The following FRMPD4 variants were observed in gnomAD, a reference collection of about 807,000 sequenced individuals.
FRMPD4 encodes FERM and PDZ domain-containing protein 4.
A neutral mutation model predicts 94.1 loss-of-function variants in FRMPD4; 22 were observed. That is an observed-to-expected ratio of 0.23 (90% confidence interval 0.17 to 0.33). FRMPD4 has a LOEUF of 0.33. Among genes scored for constraint, FRMPD4 ranks in the 10% least tolerant of loss-of-function variants. FRMPD4 has a pLI of 1.00. For missense variants in FRMPD4, 1,111 were observed against 1,339.9 expected, an observed-to-expected ratio of 0.83 and a Z score of 2.67; for synonymous variants, 631 against 548.6, an observed-to-expected ratio of 1.15 and a Z score of -2.10.
intron 4 of FRMPD4, among the ~76,000 whole-genome samples, chrX:12,615,960 G>T (rs1199732551): frequency 9.0e-6 from 1 of 111,067 alleles, no homozygotes. Context: ...GTTCTGGAGG[G>T]TCAAGCACTC....
At chrX:12,208,048 A>C (rs2056712813) in intron 1 of FRMPD4, among the ~76,000 whole-genome samples, 1 of 111,624 alleles carries the variant, frequency 9.0e-6, no homozygotes, top group African/African-American at 3.3e-5. Flanking sequence ...TCCTTGAAAT[A>C]ATGGCAAAAC....
intron 1 of FRMPD4, among the ~76,000 whole-genome samples, chrX:12,180,478 A>G (rs1446214444): frequency 8.9e-6 from 1 of 112,032 alleles, no homozygotes; most frequent in African/African-American, 3.2e-5. Context: ...ATCAATTTAA[A>G]CAAATTTTAG....
chrX:12,694,190 T>C, intron 8 of FRMPD4, 145 bp from the exon 9 acceptor site: 1 of 447,253 alleles, frequency 2.2e-6, no homozygotes. Context: ...ATGTGTAGTT[T>C]TCAGGGAATG....
At chrX:12,426,997 T>A (rs2056953311) in intron 1 of FRMPD4, among the ~76,000 whole-genome samples, 1 of 111,334 alleles carries the variant, frequency 9.0e-6, no homozygotes, top group South Asian at 3.9e-4. Flanking sequence ...ATAGGAGTCC[T>A]TACACTGTAG....
intron 1 of FRMPD4, among the ~76,000 whole-genome samples, chrX:12,238,865 A>C (rs1481529821): frequency 8.9e-6 from 1 of 112,180 alleles, no homozygotes; most frequent in Admixed American, 9.5e-5. Flanking sequence ...TGCAGTTACA[A>C]AATCTATAAA....
Position 12,198,265 on chromosome X carries a change from C to T in FRMPD4, c.41+59253C>T, listed in dbSNP as rs145103450. Among the ~76,000 whole-genome samples the T allele has an allele frequency of 3.8e-3, 422 of 111,859 alleles. 4 individuals are homozygous for T. Among genetic ancestry groups the T allele is most frequent in the African/African-American group, 0.013 (401 of 30,809 alleles). On this transcript the variant is annotated intron_variant, in intron 1 of 16. Coordinates refer to ENST00000675598, the MANE Select transcript of FRMPD4 (RefSeq NM_001368397.1). ...ACTGTTTTTAATTCAGGCAGAGAGA[C>T]ATAAGTCTGGTCTTTATTCATACTT...
intron 1 of FRMPD4, among the ~76,000 whole-genome samples, chrX:12,139,833 AG>A (rs2055665358): frequency 8.9e-6 from 1 of 111,775 alleles, no homozygotes; most frequent in Non-Finnish European, 1.9e-5. Context: ...AGAGCCCAAT[AG>A]GAGTGGTCTT....
In FRMPD4 at chrX:12,701,795, T is replaced by C. The variant is rs2060193569; in HGVS notation, c.934-79T>C. The C allele has an allele frequency of 3.9e-6, 4 of 1,038,214 alleles. No individual in the cohort carries two copies. The East Asian group carries it at 9.2e-5, about 24-fold the overall frequency. The allele number at this position is 1,038,214 out of a possible 1,213,427, so 85.6% of individuals were successfully genotyped here. On this transcript the variant is annotated intron_variant, in intron 9 of 16. Transcript: ENST00000675598. ...AGTGAAGGTTGAATCACTCGGGAAA[T>C]GTATGTCACCTGTTCTGTAAGTCCA...
At chrX:12,691,245 G>GT (rs1316735997) in intron 8 of FRMPD4, among the ~76,000 whole-genome samples, 1 of 110,657 alleles carries the variant, frequency 9.0e-6, no homozygotes, top group African/African-American at 3.3e-5. Flanking sequence ...TTTCCATCAA[G>GT]TTTTTTGGGG....
chrX:12,128,173 T>C (rs1354904554), intron 3 of FRMPD4, among the ~76,000 whole-genome samples: 5 of 113,320 alleles, frequency 4.4e-5, no homozygotes, highest in Non-Finnish European at 7.5e-5. Flanking sequence ...CACACTGCCG[T>C]AGCAGTGGTT....
At chrX:12,596,434 A>G (rs1408445634) in intron 2 of FRMPD4, among the ~76,000 whole-genome samples, 1 of 111,466 alleles carries the variant, frequency 9.0e-6, no homozygotes, top group African/African-American at 3.3e-5. Flanking sequence ...AATATAGGTA[A>G]TGGGAAATTC....
chrX:12,097,565 A>T (rs1350012184), intron 3 of FRMPD4, among the ~76,000 whole-genome samples: 4 of 112,309 alleles, frequency 3.6e-5, no homozygotes, highest in African/African-American at 6.5e-5. Flanking sequence ...GTTATTCTCC[A>T]TCCTCATCCC....
intron 3 of FRMPD4, among the ~76,000 whole-genome samples, chrX:11,953,545 A>G (rs1271006640): frequency 9.0e-6 from 1 of 111,146 alleles, no homozygotes; most frequent in Non-Finnish European, 1.9e-5. Context: ...GACTATTTCG[A>G]TGAGGGGTGG....
chrX:12,126,592 G>A (rs2055502231), intron 3 of FRMPD4, among the ~76,000 whole-genome samples: 1 of 111,399 alleles, frequency 9.0e-6, no homozygotes, highest in Admixed American at 9.5e-5. Context: ...GTTCTGAGTA[G>A]GGGAGGGAGT....
intron 2 of FRMPD4, among the ~76,000 whole-genome samples, chrX:12,596,478 A>G (rs1480633399): frequency 9.0e-6 from 1 of 110,824 alleles, no homozygotes; most frequent in African/African-American, 3.3e-5. Flanking sequence ...TTCTACTCTC[A>G]GTGACTATTC....
At chrX:12,071,481 C>T (rs752763600) in intron 3 of FRMPD4, among the ~76,000 whole-genome samples, 8 of 111,792 alleles carry the variant, frequency 7.2e-5, no homozygotes, top group Non-Finnish European at 1.3e-4. Context: ...GTTCAACAAT[C>T]CTATGAGATA....
intron 3 of FRMPD4, among the ~76,000 whole-genome samples, chrX:12,049,554 G>A (rs1166305932): frequency 1.8e-5 from 2 of 111,214 alleles, no homozygotes; most frequent in East Asian, 2.8e-4. Context: ...CCTGTATGAC[G>A]GTGGTCCTAT....
intron 3 of FRMPD4, among the ~76,000 whole-genome samples, chrX:12,030,994 C>A (rs999627865): frequency 8.9e-6 from 1 of 112,058 alleles, no homozygotes; most frequent in East Asian, 2.8e-4. Flanking sequence ...GTAATGAACA[C>A]ATGTAACAAA....
At chrX:12,555,770 T>G (rs1453653616) in intron 2 of FRMPD4, among the ~76,000 whole-genome samples, 2 of 112,294 alleles carry the variant, frequency 1.8e-5, no homozygotes, top group Admixed American at 9.4e-5. Flanking sequence ...TAGAGTACTC[T>G]GTGGATGGCT....
Sources: gnomAD v4.1 joint callset for allele counts (sites outside exome capture counted in the v4.1 genomes callset) on GRCh38, gnomAD v4.1.1 for gene constraint, MANE v1.5 for transcripts, NCBI Gene and HGNC (gene_info 2026-07-23, HGNC 2026-07-21) for gene names.